GAB4: variants seen among roughly 807,000 people sequenced by gnomAD.
GAB4 encodes GRB2 associated binding protein family member 4.
Under a neutral mutation model 51.3 loss-of-function variants are expected in GAB4, and 26 were observed. The observed-to-expected ratio is 0.51, with a 90% CI of 0.37 to 0.70. GAB4 has a LOEUF of 0.70. GAB4 is among the 30% of genes least tolerant of loss of function. GAB4 has a pLI of 0.00. For synonymous variants in GAB4, 329 were observed against 291.2 expected (o/e 1.13, Z -1.32); for missense variants, 759 against 734.6 (o/e 1.03, Z -0.38).
chr22:17,001,662 T>G (rs2060998536), intron 1 of GAB4, among the ~76,000 whole-genome samples: 1 of 152,238 alleles, frequency 6.6e-6, no homozygotes, highest in Non-Finnish European at 1.5e-5. Context: ...AGTCATTCTC[T>G]GTCCAGCTTT....
intron 1 of GAB4, among the ~76,000 whole-genome samples, chr22:17,006,962 A>T (rs1352807897): frequency 1.3e-5 from 2 of 152,178 alleles, no homozygotes; most frequent in African/African-American, 2.4e-5. Context: ...GTATGTAACA[A>T]ACCTCCACGT....
intron 3 of GAB4, among the ~76,000 whole-genome samples, chr22:16,983,812 T>C (rs375030141): frequency 6.6e-6 from 1 of 152,144 alleles, no homozygotes; most frequent in Non-Finnish European, 1.5e-5. Flanking sequence ...TCAAAATTGA[T>C]TGAACATGTA....
At chr22:17,000,465 CT>C (rs559397184) in intron 1 of GAB4, among the ~76,000 whole-genome samples, 5 of 151,378 alleles carry the variant, frequency 3.3e-5, no homozygotes, top group Admixed American at 6.6e-5. Context: ...GCAACCCCTG[CT>C]TTTTTTTTGT....
chr22:17,000,166 G>A lies in GAB4; in HGVS notation c.174+7775C>T, dbSNP rs62237428. 1.4e-4 allele frequency among the ~76,000 whole-genome samples: 22 copies of A among 152,282 alleles called. No homozygotes were observed. In the East Asian group the frequency reaches 2.1e-3, roughly 15 times the overall value. On this transcript the variant is annotated intron_variant, in intron 1 of 9. Coordinates refer to ENST00000400588, the MANE Select transcript of GAB4 (RefSeq NM_001037814.1). ...TAGATGTCTATTAGGTCTGCTTGGCGTAGAGCTGAGTTCAATTCCTGGATA... is the reference window on the plus strand; with the variant it reads ...TAGATGTCTATTAGGTCTGCTTGGCATAGAGCTGAGTTCAATTCCTGGATA...
chr22:16,989,693 G>A (rs888444123), intron 2 of GAB4, among the ~76,000 whole-genome samples: 2 of 152,206 alleles, frequency 1.3e-5, no homozygotes, highest in African/African-American at 4.8e-5. Flanking sequence ...CGGCACCAAG[G>A]ATGAACACAG....
At chr22:17,007,889 G>A in intron 1 of GAB4, 52 bp downstream of exon 1, 1 of 1,478,384 alleles carries the variant, frequency 6.8e-7, no homozygotes, top group South Asian at 1.3e-5. Context: ...CCCTCCCGGA[G>A]TCCCCAGACC....
At chr22:17,007,870 C>T (rs1350608949) in intron 1 of GAB4, 71 bp downstream of exon 1, 35 of 1,411,042 alleles carry the variant, frequency 2.5e-5, no homozygotes, top group Non-Finnish European at 3.1e-5. Context: ...CAGGCCGCCT[C>T]CCCCACGCCC....
intron 1 of GAB4, among the ~76,000 whole-genome samples, chr22:17,000,111 T>A (rs1437514710): frequency 6.6e-6 from 1 of 152,198 alleles, no homozygotes; most frequent in South Asian, 2.1e-4. Flanking sequence ...GAAGAGTGTA[T>A]ATTCTGTTGA....
chr22:17,007,690 C>G (rs557890755), intron 1 of GAB4, among the ~76,000 whole-genome samples: 4 of 152,298 alleles, frequency 2.6e-5, no homozygotes, highest in Middle Eastern at 3.4e-3. Context: ...CACTCTCCGA[C>G]CTGCAGGCCC....
chr22:16,976,459 G>GA (rs1478762516), intron 3 of GAB4, among the ~76,000 whole-genome samples: 1 of 152,100 alleles, frequency 6.6e-6, no homozygotes, highest in Admixed American at 6.5e-5. Flanking sequence ...GCATGAAGAC[G>GA]AGATTAGAGA....
At chr22:16,997,101 C>A (rs1364971085) in intron 1 of GAB4, among the ~76,000 whole-genome samples, 1 of 152,158 alleles carries the variant, frequency 6.6e-6, no homozygotes, top group Admixed American at 6.5e-5. Flanking sequence ...CCGCAATAAA[C>A]ATACGTGTGC....
At chr22:16,963,094 C>T (rs1030207360) in intron 9 of GAB4, among the ~76,000 whole-genome samples, 7 of 152,212 alleles carry the variant, frequency 4.6e-5, no homozygotes, top group Admixed American at 4.6e-4. Flanking sequence ...TCTCATCTCC[C>T]ACCTCGCAGG....
At chr22:17,006,368 G>A (rs2061039990) in intron 1 of GAB4, among the ~76,000 whole-genome samples, 1 of 152,190 alleles carries the variant, frequency 6.6e-6, no homozygotes, top group Non-Finnish European at 1.5e-5. Context: ...AGATGCTGGA[G>A]AAGATGTGGA....
In GAB4 at chr22:16,970,035, T is replaced by C. The variant is rs1380393126; in HGVS notation, c.845A>G (p.Glu282Gly). Residue 282 changes from glutamate to glycine, a missense_variant, in exon 4 of 10, where the codon GAA becomes GGA. Physicochemically the swap from Glu to Gly is moderately conservative, Grantham distance 98. This residue lies in a region of GAB4 where 588 missense variants were observed against 510.2 expected (regional missense o/e 1.15). Transcript: ENST00000400588. ...GATTCTGTGGGTGCTGCCTCTGAAT[T>C]CTGCATTGTGCTGGCTGGGCTTGGA... Reference protein sequence around the residue: ...SLSKPSQHNAEFRGSTHRIPW... With the variant: ...SLSKPSQHNAGFRGSTHRIPW... 1 of 1,614,024 alleles carries C rather than the reference T, an allele frequency of 6.2e-7. No individual in the cohort carries two copies. Among genetic ancestry groups the C allele is most frequent in the Non-Finnish European group, 8.5e-7 (1 of 1,180,024 alleles).
intron 2 of GAB4, among the ~76,000 whole-genome samples, chr22:16,988,534 C>G (rs1314822360): frequency 2.0e-5 from 3 of 152,212 alleles, no homozygotes; most frequent in Non-Finnish European, 4.4e-5. Flanking sequence ...TCATGGCCTC[C>G]CTCAAAGCTA....
At chr22:16,975,535 T>C (rs757473577) in intron 3 of GAB4, among the ~76,000 whole-genome samples, 3 of 152,232 alleles carry the variant, frequency 2.0e-5, no homozygotes, top group Non-Finnish European at 4.4e-5. Flanking sequence ...TAAAACCCCA[T>C]CTGCCTGGGA....
intron 5 of GAB4, chr22:16,967,397 C>T (rs2060686905): frequency 6.6e-6 from 1 of 152,630 alleles, no homozygotes; most frequent in Non-Finnish European, 1.5e-5. Flanking sequence ...CGAGACCCAT[C>T]ATCCACCTCA....
Position 16,962,407 on chromosome 22 carries a change from G to C in GAB4, c.*326C>G, listed in dbSNP as rs568993919. The C allele has an allele frequency of 1.4e-5, 3 of 209,014 alleles. No individual in the cohort carries two copies. Among genetic ancestry groups the C allele is most frequent in the Non-Finnish European group, 2.8e-5 (3 of 105,912 alleles). 12.9% of individuals were successfully genotyped at this position (209,014 alleles called of 1,614,324 possible). A position where few individuals can be genotyped will look rare whatever the true frequency, so the allele number is the denominator to read the frequency against. The stretch of plus-strand genomic sequence containing the variant: ...CAGCAAGGTAGCTCCTCATGTTCCA[G>C]GATTGAGGGAAACAGCCCAGAGGCT... On this transcript the variant is annotated 3_prime_UTR_variant, in exon 10 of 10. Coordinates refer to ENST00000400588, the MANE Select transcript of GAB4 (RefSeq NM_001037814.1).
intron 3 of GAB4, among the ~76,000 whole-genome samples, chr22:16,972,959 C>G (rs1438623836): frequency 2.0e-5 from 3 of 152,298 alleles, no homozygotes; most frequent in Admixed American, 1.3e-4. Context: ...CTAGGATCCA[C>G]TCAAACCAGA....
Sources: gnomAD v4.1 joint callset for allele counts (sites outside exome capture counted in the v4.1 genomes callset) on GRCh38, gnomAD v4.1.1 for gene constraint, gnomAD v4.1.1 regional missense constraint, MANE v1.5 for transcripts, NCBI Gene and HGNC (gene_info 2026-07-23, HGNC 2026-07-21) for gene names.